The following TRPC5 variants were observed in gnomAD, a reference collection of about 807,000 sequenced individuals.
The protein encoded by TRPC5 is transient receptor potential cation channel subfamily C member 5, also known as short transient receptor potential channel 5.
TRPC5 carries 9 observed loss-of-function variants against 56.5 expected under a neutral mutation model. That is an observed-to-expected ratio of 0.16 (90% CI 0.10 to 0.28). TRPC5 has a LOEUF of 0.28. TRPC5 is among the 10% of genes least tolerant of loss of function. The pLI is 1.00. For synonymous variants in TRPC5, 282 were observed against 278.5 expected (o/e 1.01, Z -0.13); for missense variants, 469 against 748.9 (o/e 0.63, Z 4.36).
rs183652558 is a variant in TRPC5, at chrX:111,961,562, A to G, written c.-21-9121T>C. Among the ~76,000 whole-genome samples, 391 of 112,363 alleles carry G rather than the reference A, an allele frequency of 3.5e-3. 2 individuals are homozygous for G. The highest frequency in any genetic ancestry group is 0.012 in the African/African-American group (370 of 30,939). ...ACATAATGTTTCATTCGGTCATGTC[A>G]GGTATACTACAATGTATTTAACTAG... On this transcript the variant is annotated intron_variant, in intron 1 of 10. Coordinates refer to ENST00000262839, the MANE Select transcript of TRPC5 (RefSeq NM_012471.3).
At chrX:111,998,346 G>A (rs919580700) in intron 1 of TRPC5, among the ~76,000 whole-genome samples, 1 of 112,101 alleles carries the variant, frequency 8.9e-6, no homozygotes, top group African/African-American at 3.2e-5. Context: ...TGTATACAAT[G>A]TCTAATAATA....
intron 1 of TRPC5, among the ~76,000 whole-genome samples, chrX:111,995,405 G>A (rs753004879): frequency 2.2e-4 from 25 of 111,894 alleles, no homozygotes; most frequent in Admixed American, 9.5e-4. Flanking sequence ...ATGTTCATCA[G>A]GTATATTGGT....
At chrX:111,862,768 A>C (rs1603062126) in intron 3 of TRPC5, among the ~76,000 whole-genome samples, 3 of 112,053 alleles carry the variant, frequency 2.7e-5, no homozygotes, top group African/African-American at 9.7e-5. Context: ...AAATTTGGAG[A>C]ATGTTACCAT....
chrX:111,833,685 A>C (rs1922477069), intron 7 of TRPC5, among the ~76,000 whole-genome samples: 1 of 111,365 alleles, frequency 9.0e-6, no homozygotes, highest in Non-Finnish European at 1.9e-5. Context: ...GACGTTCACT[A>C]TTAACAATAA....
chrX:111,783,435 G>A lies in TRPC5; in HGVS notation c.1897-1297C>T, dbSNP rs753810580. Among the ~76,000 whole-genome samples the A allele has an allele frequency of 3.6e-5, 4 of 111,091 alleles. No individual in the cohort carries two copies. The East Asian group carries it at 1.1e-3, about 31-fold the overall frequency. The stretch of plus-strand genomic sequence containing the variant: ...CTAATTGCTCTATATCTTCTTTAGT[G>A]CTTGTCAGGTTTTTAAAGTTTAGTC... On this transcript the variant is annotated intron_variant, in intron 7 of 10. Coordinates refer to ENST00000262839, the MANE Select transcript of TRPC5 (RefSeq NM_012471.3).
chrX:112,014,027 C>T (rs1353452665), intron 1 of TRPC5, among the ~76,000 whole-genome samples: 3 of 112,038 alleles, frequency 2.7e-5, no homozygotes, highest in African/African-American at 9.7e-5. Context: ...ATCAGGGTTG[C>T]CTGAGAGAAT....
At chrX:111,833,465 C>G (rs1460515150) in intron 7 of TRPC5, among the ~76,000 whole-genome samples, 1 of 111,151 alleles carries the variant, frequency 9.0e-6, no homozygotes, top group Non-Finnish European at 1.9e-5. Flanking sequence ...CCTTCTCTAC[C>G]ACCTAGATAC....
At chrX:112,053,495 G>T (rs1349997115) in intron 1 of TRPC5, among the ~76,000 whole-genome samples, 1 of 111,485 alleles carries the variant, frequency 9.0e-6, no homozygotes, top group Non-Finnish European at 1.9e-5. Context: ...TACATTGAAA[G>T]GGCTTAATAG....
At chrX:111,975,544 TTAAGTA>T (rs1005814611) in intron 1 of TRPC5, among the ~76,000 whole-genome samples, 1 of 110,840 alleles carries the variant, frequency 9.0e-6, no homozygotes, top group Admixed American at 9.6e-5. Context: ...GTCATTTACA[TTAAGTA>T]TTTCTCCTAA....
intron 2 of TRPC5, among the ~76,000 whole-genome samples, chrX:111,917,620 AAGG>A (rs1257009718): frequency 2.7e-5 from 3 of 112,514 alleles, no homozygotes; most frequent in Non-Finnish European, 5.6e-5. Context: ...ATGAATCTTG[AAGG>A]AGAAGTCAGG....
intron 2 of TRPC5, among the ~76,000 whole-genome samples, chrX:111,935,102 C>A (rs147730432): frequency 0.013 from 1,416 of 111,840 alleles, 18 homozygotes; most frequent in African/African-American, 0.044. Flanking sequence ...TGTACAAGGG[C>A]TCCCTTTTCT....
At chrX:112,033,188 G>C (rs371941810) in intron 1 of TRPC5, among the ~76,000 whole-genome samples, 1 of 89,134 alleles carries the variant, frequency 1.1e-5, no homozygotes, top group African/African-American at 4.2e-5. Flanking sequence ...TTGGACACAG[G>C]GTGGGGAACA....
chrX:112,078,161 G>A (rs1012338317), intron 1 of TRPC5, among the ~76,000 whole-genome samples: 2 of 111,792 alleles, frequency 1.8e-5, no homozygotes, highest in Non-Finnish European at 3.8e-5. Context: ...ATCTGAATAC[G>A]CTAGCTATAG....
chrX:111,893,933 G>T (rs1924934463), intron 3 of TRPC5, among the ~76,000 whole-genome samples: 1 of 111,711 alleles, frequency 9.0e-6, no homozygotes, highest in East Asian at 2.8e-4. Context: ...GTGAACATTT[G>T]CCCTTTGTGG....
intron 1 of TRPC5, among the ~76,000 whole-genome samples, chrX:111,998,029 C>T (rs192381115): frequency 1.6e-3 from 181 of 111,453 alleles, no homozygotes; most frequent in African/African-American, 5.4e-3. Flanking sequence ...CAGCTCTGTT[C>T]TGTTGCTGGC....
At chrX:111,946,499 G>A (rs913641254) in intron 2 of TRPC5, among the ~76,000 whole-genome samples, 4 of 111,629 alleles carry the variant, frequency 3.6e-5, no homozygotes, top group Non-Finnish European at 7.5e-5. Flanking sequence ...ATGAGAACTC[G>A]GCCCACTTTC....
chrX:111,865,952 T>C (rs1266973215), intron 3 of TRPC5, among the ~76,000 whole-genome samples: 2 of 113,005 alleles, frequency 1.8e-5, no homozygotes, highest in Non-Finnish European at 3.7e-5. Flanking sequence ...CTGTGCTGGA[T>C]TTTTTATATG....
intron 2 of TRPC5, among the ~76,000 whole-genome samples, chrX:111,915,943 A>AAAAC (rs10669428): frequency 0.066 from 7,242 of 109,196 alleles, 227 homozygotes; most frequent in African/African-American, 0.096. Context: ...CTGTCTCTAA[A>AAAAC]AAACAAACAA....
intron 1 of TRPC5, among the ~76,000 whole-genome samples, chrX:112,070,413 G>A (rs1285201766): frequency 9.0e-6 from 1 of 110,872 alleles, no homozygotes; most frequent in Non-Finnish European, 1.9e-5. Flanking sequence ...AATCTCCTGG[G>A]CCAATTTCTT....
Sources: gnomAD v4.1 joint callset for allele counts (sites outside exome capture counted in the v4.1 genomes callset) on GRCh38, gnomAD v4.1.1 for gene constraint, MANE v1.5 for transcripts, NCBI Gene and HGNC (gene_info 2026-07-23, HGNC 2026-07-21) for gene names.